AASS: variants seen among roughly 807,000 people sequenced by gnomAD.
AASS encodes the protein alpha-aminoadipic semialdehyde synthase, mitochondrial.
AASS carries 86 observed loss-of-function variants against 105.4 expected under a neutral mutation model. That is an observed-to-expected ratio of 0.82 (90% CI 0.69 to 0.98). AASS has a LOEUF of 0.98. AASS is among the 50% of genes least tolerant of loss of function. The pLI is 0.00. For synonymous variants in AASS, 381 were observed against 394.8 expected (o/e 0.96, Z 0.41); for missense variants, 1,048 against 1,143.2 (o/e 0.92, Z 1.20).
chr7:122,074,862 CTTTTT>C lies in AASS; in HGVS notation c.*1622_*1626del, dbSNP rs1792927473. Among the ~76,000 whole-genome samples, 1 of 147,478 alleles carries C rather than the reference CTTTTT, an allele frequency of 6.8e-6. No homozygotes were observed. The highest frequency in any genetic ancestry group is 6.8e-5 in the Admixed American group (1 of 14,634). On this transcript the variant is annotated 3_prime_UTR_variant, in exon 24 of 24. Transcript: ENST00000417368. ...CTGATGCTGTCAATTTTTTTCTTTTCTTTTTTGTTTTTTTTGAGTCAAGGTCTAAC... is the reference window on the plus strand; with the variant it reads ...CTGATGCTGTCAATTTTTTTCTTTTCTGTTTTTTTTGAGTCAAGGTCTAAC...
intron 2 of AASS, among the ~76,000 whole-genome samples, chr7:122,132,955 A>G (rs1170702065): frequency 2.6e-5 from 4 of 152,180 alleles, no homozygotes; most frequent in African/African-American, 4.8e-5. Flanking sequence ...CATAGACTAT[A>G]TAAGATGATA....
At chr7:122,113,565 A>G (rs1469938607) in intron 10 of AASS, 33 bp downstream of exon 10, 1 of 1,611,028 alleles carries the variant, frequency 6.2e-7, no homozygotes, top group Admixed American at 1.7e-5. Context: ...TAACTAAGTG[A>G]GGAATATCAT....
chr7:122,135,889 T>A (rs1367349955), intron 1 of AASS, among the ~76,000 whole-genome samples: 3 of 55,064 alleles, frequency 5.4e-5, no homozygotes. Flanking sequence ...TTTATTCCTA[T>A]GCAGAATAAA....
At position 122,118,438 on chromosome 7, in the gene AASS, G is replaced by A; in HGVS notation, c.556C>T (p.His186Tyr). 4 of 1,614,114 alleles carry A rather than the reference G, an allele frequency of 2.5e-6. No individual in the cohort carries two copies. Among genetic ancestry groups the A allele is most frequent in the Non-Finnish European group, 3.4e-6 (4 of 1,180,018 alleles). ...GCCTGACTGCTATTCCTGTAGTTATGAGCCATGCCAATGTGCTGAAAACAA... is the reference window on the plus strand; with the variant it reads ...GCCTGACTGCTATTCCTGTAGTTATAAGCCATGCCAATGTGCTGAAAACAA... ...HTPFMHIGMA[H>Y]NYRNSSQAVQ... Residue 186 changes from histidine to tyrosine, a missense_variant, in exon 6 of 24, where the codon CAT (histidine) becomes TAT (tyrosine). Transcript: ENST00000417368.
intron 3 of AASS, among the ~76,000 whole-genome samples, chr7:122,127,637 T>A (rs1196175668): frequency 6.6e-6 from 1 of 152,212 alleles, no homozygotes; most frequent in African/African-American, 2.4e-5. Flanking sequence ...CCTGGTCTAC[T>A]GTATTTGGAA....
chr7:122,085,958 A>T, intron 19 of AASS, 54 bp downstream of exon 19: 1 of 1,583,048 alleles, frequency 6.3e-7, no homozygotes, highest in African/African-American at 1.3e-5. Flanking sequence ...TTAAGTGTAC[A>T]CATCACTTAC....
chr7:122,139,762 A>G (rs1446509361), intron 1 of AASS, among the ~76,000 whole-genome samples: 1 of 152,088 alleles, frequency 6.6e-6, no homozygotes, highest in African/African-American at 2.4e-5. Context: ...AGACCAGCCT[A>G]GGCAACATGC....
At position 122,076,219 on chromosome 7, in the gene AASS, C is replaced by A; in HGVS notation, c.*270G>T. ...AAAAAACAAAAGAAAAAAAGTGGCA[C>A]AATAAATTAACAAATAGCATGATCA... On this transcript the variant is annotated 3_prime_UTR_variant, in exon 24 of 24. Coordinates refer to ENST00000417368, the MANE Select transcript of AASS (RefSeq NM_005763.4). 2.8e-6 allele frequency: 1 copy of A among 358,938 alleles called. No individual in the cohort carries two copies. Among genetic ancestry groups the A allele is most frequent in the Non-Finnish European group, 5.1e-6 (1 of 197,200 alleles). 22.2% of individuals were successfully genotyped at this position (358,938 alleles called of 1,614,324 possible).
At position 122,081,485 on chromosome 7, in the gene AASS, T is replaced by C. The variant is rs1375472468; in HGVS notation, c.2280+15A>G. Reference sequence around the variant, plus strand: ...CTGAAAAGGAGCAGATAGAACGTAATTCGGAGTCACTCACCCAGGTGAGAG... The same window carrying C: ...CTGAAAAGGAGCAGATAGAACGTAACTCGGAGTCACTCACCCAGGTGAGAG... On this transcript the variant is annotated intron_variant, in intron 20 of 23. Coordinates refer to ENST00000417368, the MANE Select transcript of AASS (RefSeq NM_005763.4). The C allele has an allele frequency of 1.9e-6, 3 of 1,599,002 alleles. No individual in the cohort carries two copies. Among genetic ancestry groups the C allele is most frequent in the Non-Finnish European group, 1.7e-6 (2 of 1,166,384 alleles).
chr7:122,113,587 A>G lies in AASS; in HGVS notation c.1166+11T>C, dbSNP rs772557600. On this transcript the variant is annotated intron_variant, in intron 10 of 23. Coordinates refer to ENST00000417368, the MANE Select transcript of AASS (RefSeq NM_005763.4). ...GTGAGGAATATCATCTAACAACTTT[A>G]GCAAACTCACCTGTCATGAATAATA... The G allele has an allele frequency of 1.9e-6, 3 of 1,613,238 alleles. No individual in the cohort carries two copies. Among genetic ancestry groups the G allele is most frequent in the African/African-American group, 2.7e-5 (2 of 75,042 alleles).
At chr7:122,094,830 C>T (rs1270150052) in intron 15 of AASS, among the ~76,000 whole-genome samples, 2 of 151,868 alleles carry the variant, frequency 1.3e-5, no homozygotes, top group Non-Finnish European at 2.9e-5. Flanking sequence ...CTCCTTGGGC[C>T]CTTCTTGGAG....
chr7:122,076,706 G>T, intron 23 of AASS, 99 bp from the exon 24 acceptor site: 1 of 917,150 alleles, frequency 1.1e-6, no homozygotes, highest in South Asian at 1.3e-5. Context: ...CAGAGTCAAT[G>T]AATTCTTGGA....
chr7:122,101,722 AAAG>A (rs1461170907), intron 11 of AASS, 42 bp from the exon 12 acceptor site: 1 of 1,403,236 alleles, frequency 7.1e-7, no homozygotes, highest in Admixed American at 1.7e-5. Context: ...ATGACACTGC[AAAG>A]AAGGCCTCTT....
chr7:122,115,251 A>C (rs369300181), intron 8 of AASS, 29 bp from the exon 9 acceptor site: 2 of 1,613,394 alleles, frequency 1.2e-6, no homozygotes, highest in Non-Finnish European at 1.7e-6. Context: ...GTTCAAGAAA[A>C]TAGAAAATAG....
intron 11 of AASS, among the ~76,000 whole-genome samples, chr7:122,102,868 T>C (rs1794496301): frequency 6.6e-6 from 1 of 151,150 alleles, no homozygotes; most frequent in African/African-American, 2.4e-5. Context: ...AATAAATATA[T>C]TGAAAGGTAA....
intron 4 of AASS, 123 bp downstream of exon 4, chr7:122,126,252 C>CTTCATT: frequency 1.2e-6 from 1 of 856,970 alleles, no homozygotes; most frequent in Non-Finnish European, 2.0e-6. Context: ...TTCAGCATAC[C>CTTCATT]TTCATTTTAA....
intron 11 of AASS, among the ~76,000 whole-genome samples, chr7:122,103,149 C>A (rs1175662321): frequency 6.6e-6 from 1 of 151,784 alleles, no homozygotes; most frequent in Non-Finnish European, 1.5e-5. Context: ...CAGAGTTAAC[C>A]CAAAGAGGTC....
chr7:122,101,498 G>A (rs1183010902), intron 12 of AASS, 60 bp from the exon 13 acceptor site: 2 of 1,506,706 alleles, frequency 1.3e-6, no homozygotes, highest in Admixed American at 1.7e-5. Flanking sequence ...TACAAACAAG[G>A]TGTCATGACT....
intron 11 of AASS, among the ~76,000 whole-genome samples, chr7:122,103,761 TA>T (rs1471363493): frequency 6.6e-6 from 1 of 151,940 alleles, no homozygotes; most frequent in Non-Finnish European, 1.5e-5. Context: ...AATATGAATA[TA>T]TGTACATATA....
Sources: gnomAD v4.1 joint callset for allele counts (sites outside exome capture counted in the v4.1 genomes callset) on GRCh38, gnomAD v4.1.1 for gene constraint, MANE v1.5 for transcripts, NCBI Gene and HGNC (gene_info 2026-07-23, HGNC 2026-07-21) for gene names.